Variants in UGT1A10 observed in about 807,000 individuals in gnomAD.
The protein encoded by UGT1A10 is UDP glucuronosyltransferase family 1 member A10, also known as UDP-glucuronosyltransferase 1A10.
UGT1A10 carries 49 observed loss-of-function variants against 45.8 expected under a neutral mutation model. The observed-to-expected ratio is 1.07, with a 90% confidence interval of 0.85 to 1.36. The LOEUF is 1.36. UGT1A10 is among the 40% of genes most tolerant of loss of function. UGT1A10 has a pLI of 0.00. For synonymous variants in UGT1A10, 284 were observed against 249.7 expected (o/e 1.14, Z -1.29); for missense variants, 745 against 668.6 (o/e 1.11, Z -1.26).
At chr2:233,708,894 G>C (rs181869766) in intron 1 of UGT1A10, among the ~76,000 whole-genome samples, 1 of 152,206 alleles carries the variant, frequency 6.6e-6, no homozygotes, top group Non-Finnish European at 1.5e-5. Context: ...AATCTCAGGG[G>C]CTATCTGGTT....
chr2:233,693,452 G>T, intron 1 of UGT1A10: 1 of 1,614,126 alleles, frequency 6.2e-7, no homozygotes, highest in Non-Finnish European at 8.5e-7. Flanking sequence ...TCTTTTCACA[G>T]ACCCAGCCTT....
chr2:233,751,108 A>G, intron 1 of UGT1A10, among the ~76,000 whole-genome samples: 1 of 151,960 alleles, frequency 6.6e-6, no homozygotes. Context: ...TTGCCCTGCA[A>G]GCCACAGTGT....
At chr2:233,691,496 G>A (rs1466569117) in intron 1 of UGT1A10, 4 of 985,622 alleles carry the variant, frequency 4.1e-6, no homozygotes, top group Non-Finnish European at 4.8e-6. Context: ...GTGGGAACAG[G>A]AACTCGCGTG....
At chr2:233,736,231 C>G (rs570595506) in intron 1 of UGT1A10, among the ~76,000 whole-genome samples, 1 of 152,102 alleles carries the variant, frequency 6.6e-6, no homozygotes, top group African/African-American at 2.4e-5. Flanking sequence ...TTTTCTCTAA[C>G]CTTGTCTTCT....
chr2:233,754,728 C>T (rs964525273), intron 1 of UGT1A10: 1 of 620,812 alleles, frequency 1.6e-6, no homozygotes, highest in African/African-American at 1.9e-5. Context: ...TGTCCCATCA[C>T]TACCGTAGGA....
chr2:233,745,888 G>A (rs1423875334), intron 1 of UGT1A10, among the ~76,000 whole-genome samples: 1 of 151,512 alleles, frequency 6.6e-6, no homozygotes, highest in African/African-American at 2.4e-5. Flanking sequence ...TGTTGGTGGG[G>A]TGGCGTTTTT....
At chr2:233,724,343 C>G (rs2077229660) in intron 1 of UGT1A10, among the ~76,000 whole-genome samples, 1 of 142,886 alleles carries the variant, frequency 7.0e-6, no homozygotes, top group Non-Finnish European at 1.5e-5. Context: ...GGGGCTGACC[C>G]CCCCCACCTC....
At chr2:233,736,600 T>C (rs1190084576) in intron 1 of UGT1A10, among the ~76,000 whole-genome samples, 7 of 152,224 alleles carry the variant, frequency 4.6e-5, no homozygotes, top group Non-Finnish European at 1.0e-4. Flanking sequence ...TTATGCGCTA[T>C]GGTTTTTAGA....
In UGT1A10 at chr2:233,768,364, G is replaced by C; in HGVS notation, c.1220G>C (p.Gly407Ala). ...AAGCGCATGGAGACTAAGGGAGCTG[G>C]AGTGACCCTGAATGTTCTGGAAATG... is the stretch of plus-strand genomic sequence containing the variant. ...NAKRMETKGAGVTLNVLEMTS... is the reference protein window; with the variant it reads ...NAKRMETKGAAVTLNVLEMTS... The change falls in exon 4 of 5, where the codon GGA (glycine) becomes GCA (alanine). Residue 407 changes from glycine (G) to alanine (A), a missense_variant. Physicochemically the swap from Gly to Ala is moderately conservative, Grantham distance 60. Transcript: ENST00000344644. 2 of 1,614,172 alleles carry C rather than the reference G, an allele frequency of 1.2e-6. No homozygotes were observed. The highest frequency in any genetic ancestry group is 1.7e-6 in the Non-Finnish European group (2 of 1,180,034).
intron 1 of UGT1A10, among the ~76,000 whole-genome samples, chr2:233,738,401 T>G (rs1318254464): frequency 6.6e-6 from 1 of 152,210 alleles, no homozygotes; most frequent in African/African-American, 2.4e-5. Context: ...GACTTGGAAC[T>G]GGGTAACAGG....
chr2:233,739,318 A>G (rs1691049780), intron 1 of UGT1A10, among the ~76,000 whole-genome samples: 1 of 152,136 alleles, frequency 6.6e-6, no homozygotes, highest in African/African-American at 2.4e-5. Flanking sequence ...GAGTTGTGAG[A>G]AGAAGGCCAC....
chr2:233,709,696 T>G lies in UGT1A10; in HGVS notation c.856-57338T>G, dbSNP rs554703505. The stretch of plus-strand genomic sequence containing the variant: ...GTCTTTTGGTCAGCTTGGGAAAATT[T>G]TGTTCTTTTTTAATTGAATGATATG... On this transcript the variant is annotated intron_variant, in intron 1 of 4. Coordinates refer to ENST00000344644, the MANE Select transcript of UGT1A10 (RefSeq NM_019075.4). Among the ~76,000 whole-genome samples, 7 of 152,334 alleles carry G rather than the reference T, an allele frequency of 4.6e-5. No individual in the cohort carries two copies. In the East Asian group the frequency reaches 1.3e-3, roughly 29 times the overall value.
chr2:233,683,334 T>C lies in UGT1A10; in HGVS notation c.855+45957T>C, dbSNP rs2074628629. On this transcript the variant is annotated intron_variant, in intron 1 of 4. Coordinates refer to ENST00000344644, the MANE Select transcript of UGT1A10 (RefSeq NM_019075.4). ...CAGATTTGACATGTTCTTTTAATAATTGCATGGTAGTCTTTACTTTGGATG... is the reference window on the plus strand; with the variant it reads ...CAGATTTGACATGTTCTTTTAATAACTGCATGGTAGTCTTTACTTTGGATG... Among the ~76,000 whole-genome samples the C allele has an allele frequency of 2.0e-5, 3 of 152,196 alleles. No homozygotes were observed. The South Asian group carries it at 6.2e-4, about 31-fold the overall frequency.
chr2:233,636,451 C>T lies in UGT1A10; in HGVS notation c.-72C>T, dbSNP rs1334388000. Reference sequence around the variant, plus strand: ...CCCTCTATTGGGGTCAGGTTTTGTGCCTGTACTTCTTCCGCCTACTGTATC... The same window carrying T: ...CCCTCTATTGGGGTCAGGTTTTGTGTCTGTACTTCTTCCGCCTACTGTATC... On this transcript the variant is annotated 5_prime_UTR_variant, in exon 1 of 5. Transcript: ENST00000344644. 2 of 1,540,332 alleles carry T rather than the reference C, an allele frequency of 1.3e-6. No homozygotes were observed. Among genetic ancestry groups the T allele is most frequent in the Non-Finnish European group, 1.7e-6 (2 of 1,143,852 alleles).
intron 1 of UGT1A10, among the ~76,000 whole-genome samples, chr2:233,684,847 A>G (rs866681909): frequency 5.9e-5 from 9 of 152,226 alleles, no homozygotes; most frequent in Middle Eastern, 3.2e-3. Flanking sequence ...TGGACACTGT[A>G]TAGTGTTCCT....
At chr2:233,640,028 G>T (rs1490323513) in intron 1 of UGT1A10, among the ~76,000 whole-genome samples, 2 of 152,200 alleles carry the variant, frequency 1.3e-5, no homozygotes, top group Non-Finnish European at 2.9e-5. Flanking sequence ...GGTAGGTGCA[G>T]CTCTGCAGAC....
At chr2:233,747,651 G>T (rs566750548) in intron 1 of UGT1A10, 4 of 1,588,612 alleles carry the variant, frequency 2.5e-6, no homozygotes, top group African/African-American at 2.7e-5. Flanking sequence ...TACTTCCTTC[G>T]ATGTGGTTTT....
chr2:233,733,687 G>A (rs906292331), intron 1 of UGT1A10, among the ~76,000 whole-genome samples: 3 of 152,194 alleles, frequency 2.0e-5, no homozygotes, highest in African/African-American at 7.2e-5. Context: ...ACTTTTTGAT[G>A]TGCTGCTGGA....
chr2:233,667,980 G>C (rs764087939), intron 1 of UGT1A10, among the ~76,000 whole-genome samples: 4 of 152,014 alleles, frequency 2.6e-5, no homozygotes, highest in Admixed American at 2.6e-4. Context: ...TTAAAGCAAG[G>C]GTGCAAAAAA....
Sources: allele counts gnomAD v4.1 joint callset (sites outside exome capture counted in the v4.1 genomes callset), GRCh38; gene constraint gnomAD v4.1.1; transcripts MANE v1.5; gene names NCBI Gene and HGNC (gene_info 2026-07-23, HGNC 2026-07-21).